The following GREB1L variants were observed in gnomAD, a reference collection of about 807,000 sequenced individuals.
GREB1L encodes the protein GREB1 like retinoic acid receptor coactivator.
Under a neutral mutation model 200.8 loss-of-function variants are expected in GREB1L, and 17 were observed. That is an observed-to-expected ratio of 0.08 (90% CI 0.06 to 0.13). The LOEUF is 0.13. GREB1L is among the 10% of genes least tolerant of loss of function. The pLI, the probability that GREB1L is intolerant of heterozygous loss-of-function variation, is 1.00. For missense variants in GREB1L, 1,657 were observed against 2,367.7 expected (o/e 0.70, Z 6.23); for synonymous variants, 789 against 893.0 (o/e 0.88, Z 2.08).
chr18:21,463,931 T>C (rs2035161873), intron 15 of GREB1L, among the ~76,000 whole-genome samples: 1 of 152,198 alleles, frequency 6.6e-6, no homozygotes, highest in African/African-American at 2.4e-5. Context: ...GATTGGAGCA[T>C]GCCAAAAGGA....
chr18:21,366,684 T>G (rs2039691551), intron 2 of GREB1L, among the ~76,000 whole-genome samples: 1 of 131,786 alleles, frequency 7.6e-6, no homozygotes, highest in African/African-American at 2.9e-5. Flanking sequence ...AGGCTACTGT[T>G]TAGGTAACTC....
At chr18:21,372,346 C>A (rs1344844897) in intron 2 of GREB1L, among the ~76,000 whole-genome samples, 3 of 151,734 alleles carry the variant, frequency 2.0e-5, no homozygotes, top group Non-Finnish European at 2.9e-5. Flanking sequence ...CAGGGTTTCA[C>A]CATCTTGGCC....
At chr18:21,364,332 A>G (rs1414534856) in intron 1 of GREB1L, among the ~76,000 whole-genome samples, 7 of 152,172 alleles carry the variant, frequency 4.6e-5, no homozygotes, top group South Asian at 2.1e-4. Flanking sequence ...CAAGTTGGAG[A>G]TTTGTATTGT....
intron 1 of GREB1L, among the ~76,000 whole-genome samples, chr18:21,278,385 A>AAAAT (rs1213466974): frequency 9.4e-5 from 12 of 127,400 alleles, no homozygotes; most frequent in Non-Finnish European, 1.9e-4. Flanking sequence ...CATCTCAAAA[A>AAAAT]AAAAAAATAA....
In GREB1L at chr18:21,497,982, A is replaced by T. The variant is rs1356051353; in HGVS notation, c.3391+1284A>T. Among the ~76,000 whole-genome samples the T allele has an allele frequency of 3.3e-5, 5 of 151,450 alleles. 1 individual carries two copies. In the East Asian group the frequency reaches 9.8e-4, roughly 30 times the overall value. ...GATTACAGGCACCCGCCACCGCACC[A>T]AGCTAACTTTTGTATTTTTAGTAGA... On this transcript the variant is annotated intron_variant, in intron 21 of 32. Transcript: ENST00000424526.
At chr18:21,440,419 T>C in intron 9 of GREB1L, 31 bp downstream of exon 9, 1 of 1,543,194 alleles carries the variant, frequency 6.5e-7, no homozygotes, top group Non-Finnish European at 8.8e-7. Flanking sequence ...GGATTGTAAG[T>C]GTGTTTTTAA....
intron 1 of GREB1L, among the ~76,000 whole-genome samples, chr18:21,273,661 T>C (rs1032842526): frequency 3.9e-5 from 6 of 152,180 alleles, no homozygotes; most frequent in Admixed American, 1.3e-4. Context: ...TAAGAAAGTT[T>C]TTGAAGAGGT....
At chr18:21,371,571 A>T (rs970945354) in intron 2 of GREB1L, among the ~76,000 whole-genome samples, 2 of 151,416 alleles carry the variant, frequency 1.3e-5, no homozygotes, top group Admixed American at 6.6e-5. Context: ...GCGGATCATG[A>T]GATCAGGAGA....
intron 1 of GREB1L, among the ~76,000 whole-genome samples, chr18:21,268,560 C>CACACATATATATATATATATATAT (rs1204514384): frequency 3.1e-5 from 2 of 63,520 alleles, no homozygotes; most frequent in African/African-American, 1.5e-4. Context: ...CACACACACA[C>CACACATATATATATATATATATAT]ATATATATAT....
intron 7 of GREB1L, among the ~76,000 whole-genome samples, chr18:21,427,736 G>C (rs1439539902): frequency 2.6e-5 from 4 of 152,188 alleles, no homozygotes; most frequent in Admixed American, 1.3e-4. Context: ...ATTAGCTCTA[G>C]TAGTTTTGTA....
chr18:21,482,303 G>T (rs2035951660), intron 17 of GREB1L, among the ~76,000 whole-genome samples: 1 of 152,268 alleles, frequency 6.6e-6, no homozygotes, highest in Admixed American at 6.5e-5. Context: ...TGTTAGCCAG[G>T]TTGGAGTGCA....
intron 1 of GREB1L, among the ~76,000 whole-genome samples, chr18:21,274,892 AAAT>A (rs912366681): frequency 6.6e-6 from 1 of 152,036 alleles, no homozygotes; most frequent in Non-Finnish European, 1.5e-5. Context: ...ATCTCTAAAA[AAAT>A]AATAATAATT....
In GREB1L at chr18:21,361,356, T is replaced by C. The variant is rs74935987; in HGVS notation, c.-119-4671T>C. On this transcript the variant is annotated intron_variant, in intron 1 of 32. Coordinates refer to ENST00000424526, the MANE Select transcript of GREB1L (RefSeq NM_001142966.3). ...TTTTGTGAAATTATTGCTGAGAAAA[T>C]GTACCCAAATCTTGAGTACAGAGTG... Among the ~76,000 whole-genome samples, 289 of 152,266 alleles carry C rather than the reference T, an allele frequency of 1.9e-3. 2 individuals carry two copies. The highest frequency in any genetic ancestry group is 6.6e-3 in the African/African-American group (273 of 41,546).
chr18:21,431,272 G>A (rs1044131806), intron 7 of GREB1L, among the ~76,000 whole-genome samples: 1 of 151,818 alleles, frequency 6.6e-6, no homozygotes, highest in Non-Finnish European at 1.5e-5. Context: ...TGATCCGCCT[G>A]CCTCGGTCTC....
chr18:21,470,515 C>T (rs772809020), intron 15 of GREB1L, among the ~76,000 whole-genome samples: 30 of 151,922 alleles, frequency 2.0e-4, no homozygotes, highest in Admixed American at 6.6e-5. Context: ...TTTTAAAGTA[C>T]ATTTCCTAAC....
intron 1 of GREB1L, among the ~76,000 whole-genome samples, chr18:21,307,952 G>C (rs1299490427): frequency 2.0e-5 from 3 of 152,142 alleles, no homozygotes; most frequent in African/African-American, 7.2e-5. Flanking sequence ...TGCCAAATTA[G>C]AGCAGTATCC....
At chr18:21,463,300 C>T (rs1446247415) in intron 15 of GREB1L, among the ~76,000 whole-genome samples, 3 of 151,768 alleles carry the variant, frequency 2.0e-5, no homozygotes, top group East Asian at 2.0e-4. Flanking sequence ...CGCCCGCCAC[C>T]GCGCCTGGCT....
At chr18:21,493,626 G>A (rs1056910566) in intron 19 of GREB1L, among the ~76,000 whole-genome samples, 9 of 152,018 alleles carry the variant, frequency 5.9e-5, no homozygotes, top group Admixed American at 4.6e-4. Flanking sequence ...CAGCACTTTG[G>A]GAGACTGAGG....
At chr18:21,418,456 G>A (rs1389818685) in intron 7 of GREB1L, among the ~76,000 whole-genome samples, 1 of 151,576 alleles carries the variant, frequency 6.6e-6, no homozygotes, top group Non-Finnish European at 1.5e-5. Context: ...TACTGTATTG[G>A]GTTTTTAAAT....
Sources: allele counts gnomAD v4.1 joint callset (sites outside exome capture counted in the v4.1 genomes callset), GRCh38; gene constraint gnomAD v4.1.1; transcripts MANE v1.5; gene names NCBI Gene and HGNC (gene_info 2026-07-23, HGNC 2026-07-21).